NFIA: variants seen among roughly 807,000 people sequenced by gnomAD.
NFIA encodes the protein nuclear factor I A.
In NFIA, 8 loss-of-function variants were observed where a neutral mutation model predicts 62.8. The observed-to-expected ratio is 0.13, with a 90% confidence interval of 0.07 to 0.23. The LOEUF (loss-of-function observed/expected upper bound fraction) is 0.23. Ranked by LOEUF, NFIA falls within the 10% of genes least tolerant of loss-of-function variation. The pLI, the probability that NFIA is intolerant of heterozygous loss-of-function variation, is 1.00. For missense variants in NFIA, 410 were observed against 642.1 expected, an observed-to-expected ratio of 0.64 and a Z score of 3.91; for synonymous variants, 235 against 238.1, an observed-to-expected ratio of 0.99 and a Z score of 0.12.
chr1:61,313,321 A>G lies in NFIA; in HGVS notation c.626-19191A>G, dbSNP rs530775256. Among the ~76,000 whole-genome samples the G allele has an allele frequency of 2.6e-5, 4 of 152,332 alleles. No individual in the cohort carries two copies. In the South Asian group the frequency reaches 8.3e-4, roughly 32 times the overall value. On this transcript the variant is annotated intron_variant, in intron 3 of 10. Coordinates refer to ENST00000403491, the MANE Select transcript of NFIA (RefSeq NM_001134673.4). ...GCTGTGCAGGGAGCATGCTGCAGGC[A>G]TCTGCTGGGCTTCTGGGAAGGCCTC...
At chr1:61,225,662 C>A (rs1654290034) in intron 2 of NFIA, among the ~76,000 whole-genome samples, 1 of 149,254 alleles carries the variant, frequency 6.7e-6, no homozygotes, top group Non-Finnish European at 1.5e-5. Context: ...CGATTGACAT[C>A]TTCAGTACTT....
chr1:61,453,443 C>CTTTTTTTT (rs11336299), intron 10 of NFIA, among the ~76,000 whole-genome samples: 2 of 78,884 alleles, frequency 2.5e-5, no homozygotes, highest in Non-Finnish European at 4.5e-5. Context: ...TGTGAAGAAA[C>CTTTTTTTT]TTTTTTTTTT....
chr1:61,403,912 A>C (rs980808300), intron 7 of NFIA, among the ~76,000 whole-genome samples, 192 bp from the exon 8 acceptor site: 1 of 152,170 alleles, frequency 6.6e-6, no homozygotes, highest in African/African-American at 2.4e-5. Context: ...ACTCTACCCT[A>C]ATCTAACCTC....
chr1:61,113,504 G>A (rs1218537029), intron 2 of NFIA, among the ~76,000 whole-genome samples: 1 of 146,268 alleles, frequency 6.8e-6, no homozygotes, highest in African/African-American at 2.5e-5. Context: ...TGAGGCAGGA[G>A]AATTGCTTGA....
At chr1:61,267,898 G>T (rs1304338714) in intron 2 of NFIA, among the ~76,000 whole-genome samples, 1 of 152,130 alleles carries the variant, frequency 6.6e-6, no homozygotes, top group African/African-American at 2.4e-5. Flanking sequence ...CAGGGTGAAA[G>T]GCACCATAGT....
At chr1:61,210,879 C>A (rs1653208146) in intron 2 of NFIA, among the ~76,000 whole-genome samples, 1 of 152,208 alleles carries the variant, frequency 6.6e-6, no homozygotes, top group African/African-American at 2.4e-5. Flanking sequence ...GCGTAATATT[C>A]TTCTAGTTTG....
chr1:61,105,269 T>C (rs896564143), intron 2 of NFIA, among the ~76,000 whole-genome samples: 5 of 152,090 alleles, frequency 3.3e-5, no homozygotes, highest in Middle Eastern at 3.4e-3. Flanking sequence ...TAACTCAAAT[T>C]ATGTTTAAAT....
intron 2 of NFIA, among the ~76,000 whole-genome samples, chr1:61,162,921 C>T (rs1649317902): frequency 6.7e-6 from 1 of 149,940 alleles, no homozygotes; most frequent in Admixed American, 6.7e-5. Flanking sequence ...GATCTTTTAT[C>T]TTGTGTCATT....
In NFIA at chr1:61,084,706, C is replaced by T. The variant is rs1189323173; in HGVS notation, c.27+1888C>T. 3.9e-5 allele frequency among the ~76,000 whole-genome samples: 6 copies of T among 152,080 alleles called. No homozygotes were observed. The East Asian group carries it at 9.6e-4, about 24-fold the overall frequency. On this transcript the variant is annotated intron_variant, in intron 1 of 10. Coordinates refer to ENST00000403491, the MANE Select transcript of NFIA (RefSeq NM_001134673.4). ...CCTAACAGATACATTAGTGTCTTCT[C>T]AATTGAGCTCTGAAAAGATAAATTT... is the stretch of plus-strand genomic sequence containing the variant.
At chr1:61,391,650 T>A (rs1362184482) in intron 7 of NFIA, among the ~76,000 whole-genome samples, 1 of 152,210 alleles carries the variant, frequency 6.6e-6, no homozygotes, top group Non-Finnish European at 1.5e-5. Context: ...CTGTGGCATT[T>A]TAAGTTTTTC....
intron 2 of NFIA, among the ~76,000 whole-genome samples, chr1:61,148,643 A>G (rs997672282): frequency 6.6e-6 from 1 of 152,232 alleles, no homozygotes; most frequent in East Asian, 1.9e-4. Context: ...TTGCATGTAC[A>G]TCTTCCAAAC....
intron 3 of NFIA, among the ~76,000 whole-genome samples, chr1:61,291,957 A>G (rs928868123): frequency 1.3e-5 from 2 of 152,168 alleles, no homozygotes; most frequent in Admixed American, 6.6e-5. Flanking sequence ...CTTATAATCT[A>G]TTAGGACTTT....
chr1:61,091,130 T>C (rs1326606310), intron 2 of NFIA, among the ~76,000 whole-genome samples: 3 of 152,248 alleles, frequency 2.0e-5, no homozygotes, highest in Non-Finnish European at 4.4e-5. Flanking sequence ...TCACCTATAA[T>C]GCGTTTTTTC....
intron 10 of NFIA, among the ~76,000 whole-genome samples, chr1:61,453,900 C>T (rs975330767): frequency 2.6e-4 from 40 of 152,118 alleles, no homozygotes; most frequent in African/African-American, 9.7e-4. Flanking sequence ...TATTGTGTTC[C>T]TCAAAGCATG....
chr1:61,128,918 T>TG (rs1328846944), intron 2 of NFIA, among the ~76,000 whole-genome samples: 1 of 122,774 alleles, frequency 8.1e-6, no homozygotes, highest in Non-Finnish European at 1.7e-5. Context: ...TACTTATGTT[T>TG]TTTTTTTTTT....
chr1:61,427,105 C>G (rs897803455), intron 10 of NFIA, among the ~76,000 whole-genome samples: 1 of 152,092 alleles, frequency 6.6e-6, no homozygotes, highest in South Asian at 2.1e-4. Context: ...GAGCAAGGTG[C>G]GGTGGGTGGC....
chr1:61,377,299 T>A (rs1423694980), intron 6 of NFIA, among the ~76,000 whole-genome samples: 1 of 152,088 alleles, frequency 6.6e-6, no homozygotes, highest in African/African-American at 2.4e-5. Flanking sequence ...GGGCACTTCA[T>A]AATTTGTAGC....
Position 61,455,439 on chromosome 1 carries a change from A to C in NFIA, c.*119A>C, listed in dbSNP as rs2100594940. ...TTCACTATCAGCGGAAGGGGAGAAA[A>C]ACCGATTCAAATCAACTTGTACATG... is the stretch of plus-strand genomic sequence containing the variant. On this transcript the variant is annotated 3_prime_UTR_variant, in exon 11 of 11. Coordinates refer to ENST00000403491, the MANE Select transcript of NFIA (RefSeq NM_001134673.4). 6.6e-7 allele frequency: 1 copy of C among 1,517,582 alleles called. No individual in the cohort carries two copies. The highest frequency in any genetic ancestry group is 1.4e-5 in the African/African-American group (1 of 72,392). The allele number at this position is 1,517,582 out of a possible 1,614,324, so 94.0% of individuals were successfully genotyped here.
intron 3 of NFIA, among the ~76,000 whole-genome samples, chr1:61,306,889 T>G (rs546107693): frequency 6.6e-6 from 1 of 152,328 alleles, no homozygotes; most frequent in South Asian, 2.1e-4. Context: ...AGAGTCACAC[T>G]AAGCCAAAGT....
Sources: allele counts gnomAD v4.1 joint callset (sites outside exome capture counted in the v4.1 genomes callset), GRCh38; gene constraint gnomAD v4.1.1; transcripts MANE v1.5; gene names NCBI Gene and HGNC (gene_info 2026-07-23, HGNC 2026-07-21).